Variants in DACH1 observed in about 807,000 individuals in gnomAD.
DACH1 encodes the protein dachshund homolog 1.
In DACH1, 12 loss-of-function variants were observed where a neutral mutation model predicts 54.2. The observed-to-expected ratio is 0.22, with a 90% confidence interval of 0.14 to 0.36. The LOEUF (loss-of-function observed/expected upper bound fraction) is 0.36, where lower values mean the gene tolerates loss of function less well. Among genes scored for constraint, DACH1 ranks in the 10% least tolerant of loss-of-function variants. The pLI, the probability that DACH1 is intolerant of heterozygous loss-of-function variation, is 1.00. For missense variants in DACH1, 805 were observed against 929.8 expected, an observed-to-expected ratio of 0.87 and a Z score of 1.75; for synonymous variants, 386 against 366.2, an observed-to-expected ratio of 1.05 and a Z score of -0.62.
chr13:71,714,927 T>A (rs1882897815), intron 1 of DACH1, among the ~76,000 whole-genome samples: 1 of 152,118 alleles, frequency 6.6e-6, no homozygotes, highest in South Asian at 2.1e-4. Flanking sequence ...TTTCCAAGTT[T>A]GAGAACAAGG....
chr13:71,526,015 C>G (rs1416647884), intron 6 of DACH1, among the ~76,000 whole-genome samples: 3 of 152,092 alleles, frequency 2.0e-5, no homozygotes, highest in Non-Finnish European at 4.4e-5. Flanking sequence ...ATTTAGTGGA[C>G]AGAATGTCAA....
chr13:71,509,855 T>C (rs2138254274), intron 6 of DACH1, among the ~76,000 whole-genome samples: 1 of 152,212 alleles, frequency 6.6e-6, no homozygotes, highest in South Asian at 2.1e-4. Context: ...ATTGTTCCAG[T>C]TTTTCAGTTT....
intron 1 of DACH1, among the ~76,000 whole-genome samples, chr13:71,800,558 A>C (rs1350060865): frequency 6.6e-6 from 1 of 152,166 alleles, no homozygotes; most frequent in Non-Finnish European, 1.5e-5. Flanking sequence ...TAAAGAAAGT[A>C]GGTACAGCAT....
intron 1 of DACH1, among the ~76,000 whole-genome samples, chr13:71,771,769 T>TAC (rs375309372): frequency 0.033 from 4,917 of 149,668 alleles, 136 homozygotes; most frequent in African/African-American, 0.08. Context: ...TCCATATCAT[T>TAC]ACACACACAC....
At chr13:71,528,578 C>A (rs1397555286) in intron 6 of DACH1, among the ~76,000 whole-genome samples, 3 of 151,766 alleles carry the variant, frequency 2.0e-5, no homozygotes, top group South Asian at 4.2e-4. Context: ...CAGGCGCCTG[C>A]CACCACGCCC....
At chr13:71,682,388 T>C (rs1880953093) in intron 1 of DACH1, among the ~76,000 whole-genome samples, 1 of 152,214 alleles carries the variant, frequency 6.6e-6, no homozygotes, top group South Asian at 2.1e-4. Context: ...TTGTTTGATT[T>C]AATACTACAG....
At chr13:71,731,071 CT>C (rs1247127808) in intron 1 of DACH1, among the ~76,000 whole-genome samples, 1 of 151,928 alleles carries the variant, frequency 6.6e-6, no homozygotes, top group Non-Finnish European at 1.5e-5. Context: ...AGAATGAACA[CT>C]TTTGCAATAA....
chr13:71,610,489 A>T (rs955544565), intron 3 of DACH1, among the ~76,000 whole-genome samples: 1 of 152,190 alleles, frequency 6.6e-6, no homozygotes, highest in Non-Finnish European at 1.5e-5. Context: ...ACTACAAAGC[A>T]TCTCATAATT....
At chr13:71,823,149 T>C (rs922007957) in intron 1 of DACH1, among the ~76,000 whole-genome samples, 50 of 152,128 alleles carry the variant, frequency 3.3e-4, no homozygotes, top group African/African-American at 1.1e-3. Context: ...ATTCCATAGT[T>C]ATTCATAATA....
intron 10 of DACH1, among the ~76,000 whole-genome samples, chr13:71,449,182 G>A (rs776026647): frequency 2.8e-4 from 42 of 151,926 alleles, no homozygotes; most frequent in Admixed American, 7.9e-4. Flanking sequence ...AAAAATTAGC[G>A]GGGCGTGGTG....
intron 1 of DACH1, among the ~76,000 whole-genome samples, chr13:71,805,630 A>C (rs1887467229): frequency 6.6e-6 from 1 of 152,168 alleles, no homozygotes; most frequent in African/African-American, 2.4e-5. Flanking sequence ...TGTCAGAAAT[A>C]TAGAACTGAA....
In DACH1 at chr13:71,859,818, C is replaced by T. The variant is rs552870188; in HGVS notation, c.848+6104G>A. On this transcript the variant is annotated intron_variant, in intron 1 of 10. Transcript: ENST00000613252. The stretch of plus-strand genomic sequence containing the variant: ...CCTGTATGTGACATTTGCTAAAAAG[C>T]GAATATCAGCAAATAAAAGTTAGTT... 5.3e-5 allele frequency among the ~76,000 whole-genome samples: 8 copies of T among 151,810 alleles called. No homozygotes were observed. The East Asian group carries it at 5.8e-4, about 11-fold the overall frequency.
intron 2 of DACH1, among the ~76,000 whole-genome samples, chr13:71,660,518 G>GC (rs949567588): frequency 1.3e-4 from 19 of 151,958 alleles, no homozygotes; most frequent in African/African-American, 4.3e-4. Context: ...GACAACCATA[G>GC]CCCCATATAT....
chr13:71,597,744 TA>T (rs1874199965), intron 3 of DACH1, among the ~76,000 whole-genome samples: 1 of 152,138 alleles, frequency 6.6e-6, no homozygotes, highest in African/African-American at 2.4e-5. Flanking sequence ...GTCACACAAG[TA>T]AAATACAGCA....
chr13:71,771,969 A>C (rs1216999957), intron 1 of DACH1, among the ~76,000 whole-genome samples: 1 of 151,506 alleles, frequency 6.6e-6, no homozygotes, highest in Non-Finnish European at 1.5e-5. Flanking sequence ...CGTGTTATCT[A>C]AAGTTACTGG....
At chr13:71,746,175 G>A (rs1248220960) in intron 1 of DACH1, among the ~76,000 whole-genome samples, 10 of 152,068 alleles carry the variant, frequency 6.6e-5, no homozygotes, top group East Asian at 3.9e-4. Context: ...CCGAGATTGC[G>A]CCACTGCACT....
chr13:71,618,817 G>A (rs1467232627), intron 3 of DACH1, among the ~76,000 whole-genome samples: 1 of 151,756 alleles, frequency 6.6e-6, no homozygotes, highest in Non-Finnish European at 1.5e-5. Flanking sequence ...GATGATCCCT[G>A]AATCAGGAAT....
At chr13:71,787,727 A>G (rs1370648086) in intron 1 of DACH1, among the ~76,000 whole-genome samples, 2 of 152,160 alleles carry the variant, frequency 1.3e-5, no homozygotes, top group Non-Finnish European at 2.9e-5. Context: ...GGTCTGCGCT[A>G]CAGTCTTAAA....
intron 1 of DACH1, among the ~76,000 whole-genome samples, chr13:71,705,344 G>T (rs1316527231): frequency 1.3e-5 from 2 of 150,782 alleles, no homozygotes; most frequent in South Asian, 2.1e-4. Flanking sequence ...GCTCTAAAGC[G>T]CTATTTAGGG....
Sources: allele counts gnomAD v4.1 joint callset (sites outside exome capture counted in the v4.1 genomes callset), GRCh38; gene constraint gnomAD v4.1.1; transcripts MANE v1.5; gene names NCBI Gene and HGNC (gene_info 2026-07-23, HGNC 2026-07-21).